Variants in PRKAR1B observed in about 807,000 individuals in gnomAD.
PRKAR1B encodes the protein protein kinase cAMP-dependent type I regulatory subunit beta, also known as cAMP-dependent protein kinase type I-beta regulatory subunit.
Under a neutral mutation model 46.5 loss-of-function variants are expected in PRKAR1B, and 22 were observed. The observed-to-expected ratio is 0.47, with a 90% confidence interval of 0.34 to 0.68. PRKAR1B has a LOEUF of 0.68. Among genes scored for constraint, PRKAR1B ranks in the 30% least tolerant of loss-of-function variants. PRKAR1B has a pLI of 0.01. For synonymous variants in PRKAR1B, 259 were observed against 217.7 expected (o/e 1.19, Z -1.67); for missense variants, 445 against 535.6 (o/e 0.83, Z 1.67).
intron 9 of PRKAR1B, among the ~76,000 whole-genome samples, chr7:576,131 G>A (rs1343396002): frequency 4.7e-5 from 7 of 147,518 alleles, no homozygotes; most frequent in African/African-American, 7.6e-5. Context: ...ACGGGCGGGC[G>A]TGCACGCTGG....
intron 4 of PRKAR1B, among the ~76,000 whole-genome samples, chr7:627,389 A>G (rs1783461793): frequency 6.6e-6 from 1 of 151,946 alleles, no homozygotes; most frequent in African/African-American, 2.4e-5. Context: ...TGAGGACTTC[A>G]CTCTCACCTG....
At chr7:588,595 C>CGATGGTGAT (rs1562541753) in intron 7 of PRKAR1B, among the ~76,000 whole-genome samples, 477 of 23,856 alleles carry the variant, frequency 0.02, 25 homozygotes, top group African/African-American at 0.079. Context: ...GTGGTGATGA[C>CGATGGTGAT]GGTGGTGATG....
intron 4 of PRKAR1B, among the ~76,000 whole-genome samples, chr7:637,781 C>A (rs572289010): frequency 1.3e-5 from 2 of 151,976 alleles, no homozygotes; most frequent in African/African-American, 4.8e-5. Context: ...TGCAGTGAGC[C>A]GAGATCGCAC....
chr7:614,824 A>G (rs1423206224), intron 4 of PRKAR1B, among the ~76,000 whole-genome samples: 2 of 152,276 alleles, frequency 1.3e-5, no homozygotes, highest in Middle Eastern at 3.4e-3. Flanking sequence ...AGGCAGGAGA[A>G]TTGCTTGAAC....
chr7:708,042 C>A (rs764582914), intron 2 of PRKAR1B, among the ~76,000 whole-genome samples: 1 of 151,194 alleles, frequency 6.6e-6, no homozygotes, highest in Non-Finnish European at 1.5e-5. Context: ...AGGGGAGACA[C>A]AGAACCTTAT....
At position 660,343 on chromosome 7, in the gene PRKAR1B, G is replaced by A. The variant is rs148928462; in HGVS notation, c.440+16886C>T. ...CACCTCCCCGGGTGCCACAGGCCCCGCTCCAACGGGTCCAAATACCTACAA... is the reference window on the plus strand; with the variant it reads ...CACCTCCCCGGGTGCCACAGGCCCCACTCCAACGGGTCCAAATACCTACAA... On this transcript the variant is annotated intron_variant, in intron 4 of 10. Transcript: ENST00000537384. Among the ~76,000 whole-genome samples the A allele has an allele frequency of 1.1e-3, 170 of 151,802 alleles. 1 individual carries two copies. Among genetic ancestry groups the A allele is most frequent in the Middle Eastern group, 3.4e-3 (1 of 294 alleles).
chr7:682,465 G>A (rs1353614050), intron 2 of PRKAR1B, among the ~76,000 whole-genome samples: 1 of 152,092 alleles, frequency 6.6e-6, no homozygotes, highest in East Asian at 1.9e-4. Flanking sequence ...AAATTTGTTG[G>A]CCAGGCACGG....
In PRKAR1B at chr7:551,334, A is replaced by G. The variant is rs938386402; in HGVS notation, c.973+55T>C. ...TCCTCACCTCCAGGCCCCTCCCGAG[A>G]CCCCAAATGAGATGGCCACAGCCGT... On this transcript the variant is annotated intron_variant, in intron 10 of 10. Coordinates refer to ENST00000537384, the MANE Select transcript of PRKAR1B (RefSeq NM_001164760.2). 3.3e-6 allele frequency: 5 copies of G among 1,512,520 alleles called. No homozygotes were observed. The African/African-American group carries it at 6.9e-5, about 21-fold the overall frequency. 93.7% of individuals were successfully genotyped at this position (1,512,520 alleles called of 1,614,324 possible).
At chr7:557,939 G>A (rs1778546436) in intron 9 of PRKAR1B, among the ~76,000 whole-genome samples, 1 of 152,100 alleles carries the variant, frequency 6.6e-6, no homozygotes, top group Non-Finnish European at 1.5e-5. Context: ...GCCGCAGAAC[G>A]TCCTGCCCTG....
intron 9 of PRKAR1B, among the ~76,000 whole-genome samples, chr7:552,696 G>T (rs1008137835): frequency 1.6e-4 from 25 of 152,180 alleles, no homozygotes. Flanking sequence ...CACCTTTGCC[G>T]AGGCGAGCGG....
chr7:682,941 C>T (rs1166335069), intron 2 of PRKAR1B, among the ~76,000 whole-genome samples: 1 of 152,184 alleles, frequency 6.6e-6, no homozygotes, highest in Non-Finnish European at 1.5e-5. Context: ...CGCTCTCCCT[C>T]CCGGCCTCAC....
At chr7:605,003 C>T (rs563921358) in intron 6 of PRKAR1B, among the ~76,000 whole-genome samples, 22 of 152,246 alleles carry the variant, frequency 1.4e-4, no homozygotes, top group African/African-American at 5.1e-4. Context: ...GCAGAAAGGC[C>T]GTAAAGAGAC....
chr7:645,683 G>A (rs1562586143), intron 4 of PRKAR1B, among the ~76,000 whole-genome samples: 1 of 152,148 alleles, frequency 6.6e-6, no homozygotes, highest in Non-Finnish European at 1.5e-5. Context: ...AGTGAGACGA[G>A]TTCCAAGCCC....
chr7:558,061 C>G (rs1471636720), intron 9 of PRKAR1B, among the ~76,000 whole-genome samples: 1 of 152,034 alleles, frequency 6.6e-6, no homozygotes, highest in Non-Finnish European at 1.5e-5. Context: ...CGCCTGTAAT[C>G]CCAGCACTTT....
At chr7:678,747 A>G (rs1415888547) in intron 3 of PRKAR1B, among the ~76,000 whole-genome samples, 5 of 152,236 alleles carry the variant, frequency 3.3e-5, no homozygotes, top group Non-Finnish European at 1.5e-5. Flanking sequence ...AGAGACAGCA[A>G]TGAAATCTCC....
intron 9 of PRKAR1B, among the ~76,000 whole-genome samples, chr7:565,957 C>G (rs898670617): frequency 1.2e-4 from 18 of 152,312 alleles, no homozygotes; most frequent in African/African-American, 4.3e-4. Flanking sequence ...CTGCAAAAGG[C>G]TGGGGGTTAT....
upstream of PRKAR1B, chr7:727,541 G>T (rs1583469051): frequency 7.4e-6 from 2 of 268,578 alleles, no homozygotes; most frequent in Non-Finnish European, 1.3e-5. Context: ...CTCACGTCCC[G>T]CCACCAACGC....
rs182420438 is a variant in PRKAR1B, at chr7:646,682, A to C, written c.440+30547T>G. Reference sequence around the variant, plus strand: ...TCTCCCTCTGAACCCCTGAACTCACAATGAGATGCATGAAATCACACGATG... The same window carrying C: ...TCTCCCTCTGAACCCCTGAACTCACCATGAGATGCATGAAATCACACGATG... On this transcript the variant is annotated intron_variant, in intron 4 of 10. Coordinates refer to ENST00000537384, the MANE Select transcript of PRKAR1B (RefSeq NM_001164760.2). Among the ~76,000 whole-genome samples the C allele has an allele frequency of 4.4e-4, 67 of 152,350 alleles. 1 individual carries two copies. The Middle Eastern group carries it at 0.01, about 23-fold the overall frequency.
At chr7:606,091 A>C in intron 6 of PRKAR1B, 102 bp downstream of exon 6, 1 of 1,079,284 alleles carries the variant, frequency 9.3e-7, no homozygotes, top group Non-Finnish European at 1.4e-6. Flanking sequence ...TACGGCACTC[A>C]GCGCAGTGTT....
Sources: gnomAD v4.1 joint callset for allele counts (sites outside exome capture counted in the v4.1 genomes callset) on GRCh38, gnomAD v4.1.1 for gene constraint, MANE v1.5 for transcripts, NCBI Gene and HGNC (gene_info 2026-07-23, HGNC 2026-07-21) for gene names.